IGF1: variants seen among roughly 807,000 people sequenced by gnomAD.
IGF1 encodes the protein insulin like growth factor 1.
Under a neutral mutation model 13.8 loss-of-function variants are expected in IGF1, and 4 were observed. That is an observed-to-expected ratio of 0.29 (90% CI 0.14 to 0.66). IGF1 has a LOEUF of 0.66. Among genes scored for constraint, IGF1 ranks in the 30% least tolerant of loss-of-function variants. IGF1 has a pLI of 0.78. For synonymous variants in IGF1, 76 were observed against 72.6 expected, an observed-to-expected ratio of 1.05 and a Z score of -0.23; for missense variants, 124 against 188.5, an observed-to-expected ratio of 0.66 and a Z score of 2.00.
rs1394276007 is a variant in IGF1, at chr12:102,401,677, G to A, written c.*830C>T. 6.6e-6 allele frequency: 1 copy of A among 152,508 alleles called. No individual in the cohort carries two copies. Among genetic ancestry groups the A allele is most frequent in the African/African-American group, 2.4e-5 (1 of 41,406 alleles). 9.4% of individuals were successfully genotyped at this position (152,508 alleles called of 1,614,324 possible). A position where few individuals can be genotyped will look rare whatever the true frequency, so the allele number is the denominator to read the frequency against. Reference sequence around the variant, plus strand: ...ATAATTGATATGCTAAATTTACATAGTGCTCTATATGGAAAAAATAAAAAG... The same window carrying A: ...ATAATTGATATGCTAAATTTACATAATGCTCTATATGGAAAAAATAAAAAG... On this transcript the variant is annotated 3_prime_UTR_variant, in exon 4 of 4. Coordinates refer to ENST00000337514, the MANE Select transcript of IGF1 (RefSeq NM_000618.5).
intron 2 of IGF1, among the ~76,000 whole-genome samples, chr12:102,454,261 C>G (rs1879199264): frequency 6.6e-6 from 1 of 152,230 alleles, no homozygotes; most frequent in Admixed American, 6.5e-5. Flanking sequence ...TCTCACAGCA[C>G]TTCACAGGCA....
intron 2 of IGF1, among the ~76,000 whole-genome samples, chr12:102,446,343 A>G (rs1039193795): frequency 5.9e-5 from 9 of 151,676 alleles, no homozygotes; most frequent in Admixed American, 2.0e-4. Flanking sequence ...CTATGCATCC[A>G]TCTGGTCCTG....
At chr12:102,407,648 C>A (rs1162650799) in intron 3 of IGF1, among the ~76,000 whole-genome samples, 1 of 152,162 alleles carries the variant, frequency 6.6e-6, no homozygotes, top group Non-Finnish European at 1.5e-5. Flanking sequence ...GCTTTCAAGT[C>A]CAAATCACTT....
chr12:102,428,686 C>T (rs1206080849), intron 2 of IGF1, among the ~76,000 whole-genome samples: 2 of 152,206 alleles, frequency 1.3e-5, no homozygotes, highest in East Asian at 3.8e-4. Flanking sequence ...CACAAAGCCG[C>T]ATCTTCATAA....
At chr12:102,461,573 A>C (rs1455056606) in intron 2 of IGF1, among the ~76,000 whole-genome samples, 1 of 152,104 alleles carries the variant, frequency 6.6e-6, no homozygotes, top group Non-Finnish European at 1.5e-5. Flanking sequence ...TCTTTTTTTG[A>C]AGCACTCTTG....
chr12:102,398,086 T>TAAAAAAAAA lies in IGF1; in HGVS notation c.*4412_*4420dup, dbSNP rs71303538. 7.9e-6 allele frequency: 1 copy of TAAAAAAAAA among 126,774 alleles called. No individual in the cohort carries two copies. Among genetic ancestry groups the TAAAAAAAAA allele is most frequent in the Non-Finnish European group, 1.7e-5 (1 of 58,884 alleles). The allele number at this position is 126,774 out of a possible 1,614,324, so 7.9% of individuals were successfully genotyped here. ...AGAAATTCATAAAGACTGTATAAAGTAAAAAAAAAAAAAAAACAAAAACAA... is the reference window on the plus strand; with the variant it reads ...AGAAATTCATAAAGACTGTATAAAGTAAAAAAAAAAAAAAAAAAAAAAAAACAAAAACAA... On this transcript the variant is annotated 3_prime_UTR_variant, in exon 4 of 4. Transcript: ENST00000337514.
chr12:102,412,794 C>G (rs1321688389), intron 3 of IGF1, among the ~76,000 whole-genome samples: 5 of 152,130 alleles, frequency 3.3e-5, no homozygotes, highest in Non-Finnish European at 2.9e-5. Context: ...CTCATCATTT[C>G]CCTATTGTTC....
chr12:102,477,461 C>T (rs992930758), intron 1 of IGF1, among the ~76,000 whole-genome samples: 18 of 151,580 alleles, frequency 1.2e-4, no homozygotes, highest in African/African-American at 3.4e-4. Context: ...ACAAGATCTC[C>T]GCATGGAAAT....
At chr12:102,407,788 G>A (rs1874301127) in intron 3 of IGF1, among the ~76,000 whole-genome samples, 1 of 152,140 alleles carries the variant, frequency 6.6e-6, no homozygotes, top group Admixed American at 6.5e-5. Context: ...ACCACAAGCT[G>A]GGACCCATTT....
chr12:102,409,853 A>G (rs1452255040), intron 3 of IGF1, among the ~76,000 whole-genome samples: 4 of 152,230 alleles, frequency 2.6e-5, no homozygotes, highest in East Asian at 1.9e-4. Flanking sequence ...TACCTAATCA[A>G]TATCAGCTAT....
chr12:102,435,389 G>C (rs1877138015), intron 2 of IGF1, among the ~76,000 whole-genome samples: 1 of 152,162 alleles, frequency 6.6e-6, no homozygotes, highest in Non-Finnish European at 1.5e-5. Context: ...ATATAGAAGA[G>C]GACACAGGAT....
chr12:102,461,439 C>A (rs1328940415), intron 2 of IGF1, among the ~76,000 whole-genome samples: 1 of 150,978 alleles, frequency 6.6e-6, no homozygotes, highest in Non-Finnish European at 1.5e-5. Flanking sequence ...CAGTGGGAAC[C>A]CTCATAGAAC....
Position 102,400,983 on chromosome 12 carries a change from G to T in IGF1, c.*1524C>A, listed in dbSNP as rs1472701484. 6.6e-6 allele frequency: 1 copy of T among 152,156 alleles called. No homozygotes were observed. Among genetic ancestry groups the T allele is most frequent in the African/African-American group, 2.4e-5 (1 of 41,426 alleles). The allele number at this position is 152,156 out of a possible 1,614,324, so 9.4% of individuals were successfully genotyped here. A position where few individuals can be genotyped will look rare whatever the true frequency, so the allele number is the denominator to read the frequency against. On this transcript the variant is annotated 3_prime_UTR_variant, in exon 4 of 4. Coordinates refer to ENST00000337514, the MANE Select transcript of IGF1 (RefSeq NM_000618.5). ...TTGAGCTGTTAGCTTTTAACAACTA[G>T]TTGGCCAGTTATTTGGATAGCTTCA...
chr12:102,463,526 A>G (rs899530757), intron 2 of IGF1: 2 of 152,152 alleles, frequency 1.3e-5, no homozygotes, highest in Non-Finnish European at 2.9e-5. Context: ...CCCTCAAACT[A>G]CTAGGGTTTA....
At chr12:102,408,847 T>C (rs1291837842) in intron 3 of IGF1, among the ~76,000 whole-genome samples, 1 of 152,146 alleles carries the variant, frequency 6.6e-6, no homozygotes, top group Non-Finnish European at 1.5e-5. Context: ...CAATCTACTC[T>C]CTCTCTCTCC....
intron 2 of IGF1, among the ~76,000 whole-genome samples, chr12:102,460,518 G>T (rs1224295828): frequency 6.6e-6 from 1 of 152,182 alleles, no homozygotes; most frequent in Non-Finnish European, 1.5e-5. Context: ...CAGAGCAGGT[G>T]CCCAGCTGAT....
intron 2 of IGF1, among the ~76,000 whole-genome samples, chr12:102,461,871 T>G (rs1227114896): frequency 6.6e-6 from 1 of 152,226 alleles, no homozygotes; most frequent in African/African-American, 2.4e-5. Context: ...ACATCATTTT[T>G]GAAATCTGCA....
rs1301725496 is a variant in IGF1, at chr12:102,400,201, T to C, written c.*2306A>G. The C allele has an allele frequency of 6.6e-6, 1 of 152,126 alleles. No individual in the cohort carries two copies. Among genetic ancestry groups the C allele is most frequent in the Non-Finnish European group, 1.5e-5 (1 of 68,018 alleles). 9.4% of individuals were successfully genotyped at this position (152,126 alleles called of 1,614,324 possible). ...GGGAGAAAAACTGAAGATGTTATTT[T>C]TGTTTTTCATATAGACTTTCCAAGA... On this transcript the variant is annotated 3_prime_UTR_variant, in exon 4 of 4. Coordinates refer to ENST00000337514, the MANE Select transcript of IGF1 (RefSeq NM_000618.5).
At chr12:102,469,138 G>A (rs541942223) in intron 2 of IGF1, among the ~76,000 whole-genome samples, 2 of 152,216 alleles carry the variant, frequency 1.3e-5, no homozygotes, top group South Asian at 2.1e-4. Context: ...CAAAGGTGGC[G>A]GTCTTGCATC....
Sources: gnomAD v4.1 joint callset for allele counts (sites outside exome capture counted in the v4.1 genomes callset) on GRCh38, gnomAD v4.1.1 for gene constraint, MANE v1.5 for transcripts, NCBI Gene and HGNC (gene_info 2026-07-23, HGNC 2026-07-21) for gene names.